GALNT13: variants seen among roughly 807,000 people sequenced by gnomAD.
GALNT13 encodes UDP-GalNAc:polypeptide N-acetylgalactosaminyltransferase 13.
A neutral mutation model predicts 64.2 loss-of-function variants in GALNT13; 28 were observed. The observed-to-expected ratio is 0.44, with a 90% CI of 0.32 to 0.60. The LOEUF is 0.60. Ranked by LOEUF, GALNT13 falls within the 20% of genes least tolerant of loss-of-function variation. GALNT13 has a pLI of 0.05. For synonymous variants in GALNT13, 214 were observed against 224.6 expected (o/e 0.95, Z 0.42); for missense variants, 577 against 669.8 (o/e 0.86, Z 1.53).
chr2:153,604,053 G>T, the GALNT13 span, among the ~76,000 whole-genome samples: 1 of 151,974 alleles, frequency 6.6e-6, no homozygotes, highest in African/African-American at 2.4e-5. Flanking sequence ...CACCATCAAT[G>T]CATTACTTAC....
the GALNT13 span, among the ~76,000 whole-genome samples, chr2:153,184,420 A>T: frequency 6.6e-6 from 1 of 152,176 alleles, no homozygotes; most frequent in Non-Finnish European, 1.5e-5. Context: ...CTGCAAACAA[A>T]GATAATTTGA....
At chr2:154,396,331 A>C (rs1484538681) in intron 10 of GALNT13, among the ~76,000 whole-genome samples, 2 of 152,108 alleles carry the variant, frequency 1.3e-5, no homozygotes, top group African/African-American at 4.8e-5. Flanking sequence ...TTAACATTGA[A>C]CAAAAAAAAA....
intron 2 of GALNT13, among the ~76,000 whole-genome samples, chr2:153,915,029 C>T (rs1316023607): frequency 2.0e-5 from 3 of 152,112 alleles, no homozygotes; most frequent in Non-Finnish European, 4.4e-5. Context: ...GGGGCCCAAG[C>T]TCCTCCTGGA....
the GALNT13 span, among the ~76,000 whole-genome samples, chr2:153,416,969 A>G: frequency 6.6e-6 from 1 of 152,222 alleles, no homozygotes; most frequent in African/African-American, 2.4e-5. Context: ...TCGCATGGGA[A>G]TGAGTGATAT....
chr2:153,723,492 T>G, the GALNT13 span, among the ~76,000 whole-genome samples: 2 of 148,712 alleles, frequency 1.3e-5, no homozygotes, highest in African/African-American at 2.5e-5. Flanking sequence ...GGTATTCAAT[T>G]AGGAAAAGAG....
chr2:153,459,073 A>G, the GALNT13 span, among the ~76,000 whole-genome samples: 3 of 152,166 alleles, frequency 2.0e-5, no homozygotes, highest in Admixed American at 6.5e-5. Flanking sequence ...GGTACTAAAA[A>G]AATACTAATT....
At chr2:153,175,785 C>T in the GALNT13 span, among the ~76,000 whole-genome samples, 1 of 152,096 alleles carries the variant, frequency 6.6e-6, no homozygotes, top group Admixed American at 6.5e-5. Flanking sequence ...GAACCAGTTA[C>T]AGAGAGGAAA....
intron 9 of GALNT13, among the ~76,000 whole-genome samples, chr2:154,328,033 TG>T (rs1271250576): frequency 2.6e-5 from 4 of 152,078 alleles, no homozygotes; most frequent in East Asian, 1.9e-4. Context: ...ATAGCACTTC[TG>T]TTTTTTTATT....
At chr2:153,907,279 G>T (rs180726298) in intron 2 of GALNT13, among the ~76,000 whole-genome samples, 1 of 151,262 alleles carries the variant, frequency 6.6e-6, no homozygotes, top group Non-Finnish European at 1.5e-5. Flanking sequence ...GTTAATTTGT[G>T]CCTAGAAGTT....
chr2:154,318,472 T>A (rs1226499135), intron 9 of GALNT13, among the ~76,000 whole-genome samples: 1 of 152,172 alleles, frequency 6.6e-6, no homozygotes, highest in African/African-American at 2.4e-5. Context: ...ACGCCTGTAA[T>A]CCCAGCACTT....
intron 3 of GALNT13, among the ~76,000 whole-genome samples, chr2:154,056,032 C>A (rs1471717086): frequency 2.6e-5 from 4 of 151,986 alleles, no homozygotes; most frequent in African/African-American, 9.7e-5. Context: ...TTCTTCATGT[C>A]AGAATTACTG....
the GALNT13 span, among the ~76,000 whole-genome samples, chr2:153,144,122 C>T: frequency 6.6e-6 from 1 of 151,942 alleles, no homozygotes; most frequent in Admixed American, 6.6e-5. Flanking sequence ...ATTCTTTTCT[C>T]CATTTTTAGA....
At chr2:153,737,395 A>C in the GALNT13 span, among the ~76,000 whole-genome samples, 25 of 150,870 alleles carry the variant, frequency 1.7e-4, no homozygotes, top group African/African-American at 5.9e-4. Flanking sequence ...GTTTTTTTTC[A>C]ATGTTTTTTA....
At chr2:153,981,103 A>C (rs535920475) in intron 3 of GALNT13, among the ~76,000 whole-genome samples, 15 of 152,284 alleles carry the variant, frequency 9.9e-5, no homozygotes, top group African/African-American at 3.4e-4. Flanking sequence ...ATGAAAGGCA[A>C]CTATCATAAT....
chr2:154,303,569 G>C (rs1003682043), intron 9 of GALNT13, among the ~76,000 whole-genome samples: 5 of 151,742 alleles, frequency 3.3e-5, no homozygotes, highest in Non-Finnish European at 7.4e-5. Flanking sequence ...TCATTAAAAA[G>C]GAAAACCTTA....
At chr2:154,227,611 G>A (rs925692705) in intron 4 of GALNT13, among the ~76,000 whole-genome samples, 8 of 151,382 alleles carry the variant, frequency 5.3e-5, no homozygotes, top group Non-Finnish European at 1.0e-4. Flanking sequence ...ATAGTTTGCT[G>A]AGAATGATGG....
rs543976704 is a variant in GALNT13, at chr2:154,275,935, G to A, written c.975+16797G>A. On this transcript the variant is annotated intron_variant, in intron 8 of 12. Transcript: ENST00000392825. ...TGACCTGGATGTGAGACATGGAGTC[G>A]AAGAAGATCACTCTGTAACCTTAAG... 6.6e-5 allele frequency among the ~76,000 whole-genome samples: 10 copies of A among 152,284 alleles called. 1 individual carries two copies. The highest frequency in any genetic ancestry group is 5.8e-4 in the East Asian group (3 of 5,162).
chr2:154,349,481 G>A (rs1332776523), intron 9 of GALNT13, among the ~76,000 whole-genome samples: 1 of 152,128 alleles, frequency 6.6e-6, no homozygotes, highest in African/African-American at 2.4e-5. Flanking sequence ...CTTAGAAACT[G>A]GAAAAGTCAG....
the GALNT13 span, among the ~76,000 whole-genome samples, chr2:153,439,476 G>A: frequency 1.5e-3 from 222 of 152,326 alleles, 1 homozygote; most frequent in African/African-American, 4.6e-3. Context: ...CCCAGTTCGA[G>A]CTTCCTGGCT....
Sources: allele counts gnomAD v4.1 joint callset (sites outside exome capture counted in the v4.1 genomes callset), GRCh38; gene constraint gnomAD v4.1.1; transcripts MANE v1.5; gene names NCBI Gene and HGNC (gene_info 2026-07-23, HGNC 2026-07-21).